The following AKAP6 variants were observed in gnomAD, a reference collection of about 807,000 sequenced individuals.
The protein encoded by AKAP6 is A-kinase anchor protein 6.
A neutral mutation model predicts 188.5 loss-of-function variants in AKAP6; 58 were observed. The ratio of observed to expected loss-of-function variants is 0.31; its 90% CI spans 0.25 to 0.38. The LOEUF (loss-of-function observed/expected upper bound fraction) is 0.38. AKAP6 is among the 10% of genes least tolerant of loss of function. AKAP6 has a pLI of 1.00. For synonymous variants in AKAP6, 989 were observed against 998.6 expected (o/e 0.99, Z 0.18); for missense variants, 2,710 against 2,740.0 (o/e 0.99, Z 0.24).
intron 2 of AKAP6, among the ~76,000 whole-genome samples, chr14:32,523,470 CTCTT>C (rs919195028): frequency 1.2e-4 from 18 of 146,660 alleles, no homozygotes; most frequent in Non-Finnish European, 2.4e-4. Context: ...CTCTCTCTCT[CTCTT>C]TTTTTTTTTT....
At chr14:32,820,467 G>C (rs934230466) in intron 12 of AKAP6, among the ~76,000 whole-genome samples, 2 of 152,024 alleles carry the variant, frequency 1.3e-5, no homozygotes, top group African/African-American at 4.8e-5. Flanking sequence ...AGGGTCCCAA[G>C]TGGGCAGGCA....
chr14:32,407,992 C>T (rs1354035810), intron 1 of AKAP6, among the ~76,000 whole-genome samples: 4 of 152,154 alleles, frequency 2.6e-5, no homozygotes, highest in African/African-American at 9.7e-5. Context: ...AGAAAAGTGC[C>T]AGATGATTAG....
intron 9 of AKAP6, among the ~76,000 whole-genome samples, chr14:32,700,297 T>G (rs928704555): frequency 6.6e-6 from 1 of 152,136 alleles, no homozygotes; most frequent in Non-Finnish European, 1.5e-5. Context: ...ACAGATCTCC[T>G]AGTGATCCGA....
chr14:32,822,077 C>T lies in AKAP6; in HGVS notation c.4264C>T (p.Leu1422Phe). The change falls in exon 13 of 14, where the codon CTT becomes TTT. Residue 1422 changes from leucine (L) to phenylalanine (F), a missense_variant. Leu to Phe is a conservative substitution (Grantham distance 22). Coordinates refer to ENST00000280979, the MANE Select transcript of AKAP6 (RefSeq NM_004274.5). ...KFTDEGESIK[L>F]PNSSQSSISP... is the part of the protein sequence containing the mutation. Reference sequence around the variant, plus strand: ...TACAGATGAGGGGGAAAGCATTAAGCTTCCAAATAGCTCTCAGTCGTCCAT... The same window carrying T: ...TACAGATGAGGGGGAAAGCATTAAGTTTCCAAATAGCTCTCAGTCGTCCAT... 1 of 1,613,916 alleles carries T rather than the reference C, an allele frequency of 6.2e-7. No individual in the cohort carries two copies. Among genetic ancestry groups the T allele is most frequent in the Admixed American group, 1.7e-5 (1 of 59,924 alleles).
intron 1 of AKAP6, among the ~76,000 whole-genome samples, chr14:32,428,648 G>A (rs1890115786): frequency 1.3e-5 from 2 of 152,176 alleles, no homozygotes; most frequent in African/African-American, 2.4e-5. Flanking sequence ...AGAGAGGTGG[G>A]AAGCTTTGAT....
rs568894360 is a variant in AKAP6 at position 32,527,498 on chromosome 14, T to C, written c.325-8056T>C. The stretch of plus-strand genomic sequence containing the variant: ...AACCAAGGAGTGCGATTGCTGGTTT[T>C]TATGGTGAGAATATGTTTAGCTTTG... On this transcript the variant is annotated intron_variant, in intron 2 of 13. Coordinates refer to ENST00000280979, the MANE Select transcript of AKAP6 (RefSeq NM_004274.5). 3.3e-5 allele frequency among the ~76,000 whole-genome samples: 5 copies of C among 152,336 alleles called. No individual in the cohort carries two copies. The South Asian group carries it at 1.0e-3, about 32-fold the overall frequency.
intron 7 of AKAP6, among the ~76,000 whole-genome samples, chr14:32,620,408 A>G (rs974771991): frequency 6.6e-6 from 1 of 152,068 alleles, no homozygotes; most frequent in African/African-American, 2.4e-5. Context: ...TTTTTTCTGC[A>G]TCTACTGAGA....
intron 2 of AKAP6, among the ~76,000 whole-genome samples, chr14:32,513,932 A>C (rs1881385243): frequency 6.6e-6 from 1 of 152,020 alleles, no homozygotes; most frequent in Non-Finnish European, 1.5e-5. Flanking sequence ...TGTTTTTAGC[A>C]TCTGTGCATT....
intron 11 of AKAP6, among the ~76,000 whole-genome samples, chr14:32,744,587 G>A (rs1191663229): frequency 6.6e-6 from 1 of 152,106 alleles, no homozygotes; most frequent in African/African-American, 2.4e-5. Flanking sequence ...AAAGTACTGG[G>A]ATTACAGGCA....
chr14:32,436,161 C>T (rs762990136), intron 2 of AKAP6, among the ~76,000 whole-genome samples: 13 of 152,174 alleles, frequency 8.5e-5, no homozygotes, highest in Non-Finnish European at 1.8e-4. Flanking sequence ...GCTCCTACTA[C>T]CTTGATAAGT....
intron 9 of AKAP6, among the ~76,000 whole-genome samples, chr14:32,712,729 G>T (rs35590641): frequency 1.3e-5 from 2 of 151,740 alleles, no homozygotes; most frequent in African/African-American, 4.8e-5. Context: ...ACATCTTCAG[G>T]CTCTACCTCC....
chr14:32,732,847 A>C lies in AKAP6; in HGVS notation c.3147+247A>C. The C allele has an allele frequency of 5.0e-6, 3 of 604,662 alleles. No individual in the cohort carries two copies. The South Asian group carries it at 6.2e-5, about 12-fold the overall frequency. 37.5% of individuals were successfully genotyped at this position (604,662 alleles called of 1,614,324 possible). On this transcript the variant is annotated intron_variant, in intron 10 of 13. Coordinates refer to ENST00000280979, the MANE Select transcript of AKAP6 (RefSeq NM_004274.5). ...TGGTTCTTTAATACATGAAAAAGTA[A>C]GTAAAATATGCCATGTATTATGGGT...
At chr14:32,685,210 G>A (rs2139661066) in intron 8 of AKAP6, among the ~76,000 whole-genome samples, 1 of 152,224 alleles carries the variant, frequency 6.6e-6, no homozygotes, top group South Asian at 2.1e-4. Flanking sequence ...GCTGCAGTGA[G>A]CTTTGATAAT....
At chr14:32,640,020 T>C in intron 7 of AKAP6, among the ~76,000 whole-genome samples, 1 of 152,104 alleles carries the variant, frequency 6.6e-6, no homozygotes, top group East Asian at 1.9e-4. Context: ...TATAGATACA[T>C]CTCAAGGCAA....
At chr14:32,434,580 A>G (rs1034136001) in intron 2 of AKAP6, among the ~76,000 whole-genome samples, 1 of 152,244 alleles carries the variant, frequency 6.6e-6, no homozygotes, top group African/African-American at 2.4e-5. Flanking sequence ...TTTATAACCA[A>G]TCAGGGCACT....
intron 7 of AKAP6, among the ~76,000 whole-genome samples, chr14:32,663,426 T>C (rs1038732709): frequency 1.3e-5 from 2 of 152,108 alleles, no homozygotes; most frequent in African/African-American, 4.8e-5. Context: ...AGAAATCTGG[T>C]TCATATCATA....
intron 1 of AKAP6, among the ~76,000 whole-genome samples, chr14:32,333,917 G>T (rs1391194057): frequency 6.6e-6 from 1 of 152,132 alleles, no homozygotes. Flanking sequence ...ATTCCAGCCA[G>T]CCTGCTGATG....
At chr14:32,490,036 T>C (rs10130385) in intron 2 of AKAP6, among the ~76,000 whole-genome samples, 101,742 of 151,444 alleles carry the variant, frequency 0.67, 35,660 homozygotes, top group East Asian at 0.89. Flanking sequence ...TCTCACAAAG[T>C]ACATTCTCAA....
intron 7 of AKAP6, among the ~76,000 whole-genome samples, chr14:32,621,592 A>G (rs1398192692): frequency 6.6e-6 from 1 of 152,130 alleles, no homozygotes; most frequent in Admixed American, 6.6e-5. Flanking sequence ...GTGGCCTATC[A>G]TATGGTCTAT....
Sources: allele counts gnomAD v4.1 joint callset (sites outside exome capture counted in the v4.1 genomes callset), GRCh38; gene constraint gnomAD v4.1.1; transcripts MANE v1.5; gene names NCBI Gene and HGNC (gene_info 2026-07-23, HGNC 2026-07-21).